Variants in EYA4 observed in about 807,000 individuals in gnomAD.
EYA4 encodes the protein protein phosphatase EYA4.
EYA4 carries 31 observed loss-of-function variants against 87.9 expected under a neutral mutation model. That is an observed-to-expected ratio of 0.35 (90% CI 0.27 to 0.48). The LOEUF (loss-of-function observed/expected upper bound fraction) is 0.48. Among genes scored for constraint, EYA4 ranks in the 20% least tolerant of loss-of-function variants. EYA4 has a pLI of 0.99. For missense variants in EYA4, 678 were observed against 761.4 expected, an observed-to-expected ratio of 0.89 and a Z score of 1.29; for synonymous variants, 263 against 270.6, an observed-to-expected ratio of 0.97 and a Z score of 0.28.
At chr6:133,503,781 T>C (rs954184260) in intron 13 of EYA4, among the ~76,000 whole-genome samples, 8 of 152,200 alleles carry the variant, frequency 5.3e-5, no homozygotes, top group African/African-American at 1.9e-4. Flanking sequence ...TTTTTTAATT[T>C]ACACAACCTT....
At chr6:133,495,331 A>G (rs1797548867) in intron 13 of EYA4, among the ~76,000 whole-genome samples, 1 of 150,334 alleles carries the variant, frequency 6.7e-6, no homozygotes, top group Non-Finnish European at 1.5e-5. Context: ...TACCCACAAA[A>G]ATAAAAAATA....
intron 3 of EYA4, among the ~76,000 whole-genome samples, chr6:133,411,660 A>G (rs1330603858): frequency 6.6e-6 from 1 of 152,166 alleles, no homozygotes; most frequent in Non-Finnish European, 1.5e-5. Context: ...TATCTTATGA[A>G]TATTTCACCA....
At chr6:133,483,159 T>G in intron 13 of EYA4, 44 bp downstream of exon 13, 1 of 1,494,382 alleles carries the variant, frequency 6.7e-7, no homozygotes. Flanking sequence ...TTGTTAAATT[T>G]TTTGTGTTTG....
chr6:133,490,339 G>A (rs980457011), intron 13 of EYA4, among the ~76,000 whole-genome samples: 1 of 151,430 alleles, frequency 6.6e-6, no homozygotes, highest in Non-Finnish European at 1.5e-5. Flanking sequence ...GAATGTAAAT[G>A]GACTAAACTC....
chr6:133,469,038 G>A (rs1795098399), intron 11 of EYA4, among the ~76,000 whole-genome samples: 1 of 151,966 alleles, frequency 6.6e-6, no homozygotes, highest in Non-Finnish European at 1.5e-5. Context: ...TCTTCCTTAT[G>A]ACTGATATTA....
chr6:133,297,419 C>T (rs1779025542), intron 2 of EYA4, among the ~76,000 whole-genome samples: 1 of 152,228 alleles, frequency 6.6e-6, no homozygotes, highest in African/African-American at 2.4e-5. Context: ...TCTTTTCCTC[C>T]TCCCTCTGAG....
At chr6:133,379,010 A>G (rs1785944899) in intron 2 of EYA4, among the ~76,000 whole-genome samples, 1 of 147,854 alleles carries the variant, frequency 6.8e-6, no homozygotes, top group Non-Finnish European at 1.5e-5. Context: ...TTATTGGCCC[A>G]CCCCCTTGTG....
chr6:133,493,971 T>G (rs1240521859), intron 13 of EYA4, among the ~76,000 whole-genome samples: 3 of 152,202 alleles, frequency 2.0e-5, no homozygotes, highest in Admixed American at 2.0e-4. Flanking sequence ...CATACACCGT[T>G]TGTGGGAATG....
At position 133,512,959 on chromosome 6, in the gene EYA4, G is replaced by T; in HGVS notation, c.1422G>T (p.Gly474=). ...GTTTGCCAACAGGTGTAAGAGGAGG[G>T]GTTGACTGGATGAGGAAGTTGGCTT... ...NLCLPTGVRG[G]VDWMRKLAFR... The change falls in exon 16 of 20, where the codon GGG becomes GGT. Residue 474 remains glycine, a synonymous_variant. Transcript: ENST00000355286. 1 of 1,614,056 alleles carries T rather than the reference G, an allele frequency of 6.2e-7. No individual in the cohort carries two copies. Among genetic ancestry groups the T allele is most frequent in the Non-Finnish European group, 8.5e-7 (1 of 1,179,962 alleles).
rs113797878 is a variant in EYA4 at position 133,249,534 on chromosome 6, C to A, written c.-66+7785C>A. ...TCTGCAGGGAAGATAACCCTTCATA[C>A]TGAGAACCTTGCTCAGGTTGCTCTT... On this transcript the variant is annotated intron_variant, in intron 1 of 19. Transcript: ENST00000355286. 9.6e-3 allele frequency among the ~76,000 whole-genome samples: 1,461 copies of A among 152,330 alleles called. 32 individuals are homozygous for A. The highest frequency in any genetic ancestry group is 0.033 in the African/African-American group (1,386 of 41,574).
In EYA4 at chr6:133,440,559, A is replaced by G. The variant is rs139857209; in HGVS notation, c.84-6071A>G. ...AAAAATAATATAACAAAAATATGAC[A>G]GTATGACCAGGTCACTTCTGGTTTT... On this transcript the variant is annotated intron_variant, in intron 3 of 19. Coordinates refer to ENST00000355286, the MANE Select transcript of EYA4 (RefSeq NM_004100.5). Among the ~76,000 whole-genome samples, 382 of 152,356 alleles carry G rather than the reference A, an allele frequency of 2.5e-3. 4 individuals are homozygous for G. Among genetic ancestry groups the G allele is most frequent in the African/African-American group, 9.0e-3 (374 of 41,592 alleles).
At chr6:133,487,601 G>A (rs1796789729) in intron 13 of EYA4, among the ~76,000 whole-genome samples, 1 of 152,188 alleles carries the variant, frequency 6.6e-6, no homozygotes, top group Non-Finnish European at 1.5e-5. Flanking sequence ...CCCTGGTTCT[G>A]AGATAACATT....
intron 1 of EYA4, among the ~76,000 whole-genome samples, chr6:133,242,235 G>A (rs968215644): frequency 3.3e-5 from 5 of 152,212 alleles, no homozygotes; most frequent in African/African-American, 4.8e-5. Context: ...TCCTTCGGAG[G>A]GTCACAGGCG....
In EYA4 at chr6:133,466,812, G is replaced by C. The variant is rs139660902; in HGVS notation, c.805-1754G>C. Reference sequence around the variant, plus strand: ...AGGCTGGAGTTCAGTTAGTGCATGAGGGGGAAGTGGGGAAGCACATTTGCA... The same window carrying C: ...AGGCTGGAGTTCAGTTAGTGCATGACGGGGAAGTGGGGAAGCACATTTGCA... On this transcript the variant is annotated intron_variant, in intron 10 of 19. Coordinates refer to ENST00000355286, the MANE Select transcript of EYA4 (RefSeq NM_004100.5). Among the ~76,000 whole-genome samples the C allele has an allele frequency of 8.7e-3, 1,325 of 152,014 alleles. 25 individuals are homozygous for C. The highest frequency in any genetic ancestry group is 0.031 in the African/African-American group (1,266 of 41,468).
At chr6:133,476,970 TAGTG>T (rs530622049) in intron 11 of EYA4, among the ~76,000 whole-genome samples, 52 of 152,210 alleles carry the variant, frequency 3.4e-4, no homozygotes, top group African/African-American at 1.1e-3. Context: ...GTTCTCGTGA[TAGTG>T]AGTGAGTTCT....
chr6:133,442,744 G>A (rs566997136), intron 3 of EYA4, among the ~76,000 whole-genome samples: 8 of 152,128 alleles, frequency 5.3e-5, no homozygotes, highest in South Asian at 4.2e-4. Flanking sequence ...GCTTGCTACC[G>A]AAATAATTCA....
At chr6:133,352,707 C>G (rs776822791) in intron 2 of EYA4, among the ~76,000 whole-genome samples, 39 of 152,060 alleles carry the variant, frequency 2.6e-4, no homozygotes, top group Non-Finnish European at 3.7e-4. Flanking sequence ...ACATATCCAG[C>G]TGACTTAACT....
intron 2 of EYA4, among the ~76,000 whole-genome samples, chr6:133,330,557 A>C (rs1161296518): frequency 3.5e-5 from 2 of 57,274 alleles, no homozygotes; most frequent in African/African-American, 8.1e-5. Flanking sequence ...ATTTATATAT[A>C]TATATATATA....
chr6:133,529,894 A>G lies in EYA4; in HGVS notation c.*1089A>G, dbSNP rs1800909960. 1 of 985,250 alleles carries G rather than the reference A, an allele frequency of 1.0e-6. No individual in the cohort carries two copies. The highest frequency in any genetic ancestry group is 1.2e-6 in the Non-Finnish European group (1 of 829,846). 61.0% of individuals were successfully genotyped at this position (985,250 alleles called of 1,614,324 possible). ...GAGACTTTTGATATGTGTAAGTTGCATAGAGGAGGATATTATCATGCAAAT... is the reference window on the plus strand; with the variant it reads ...GAGACTTTTGATATGTGTAAGTTGCGTAGAGGAGGATATTATCATGCAAAT... On this transcript the variant is annotated 3_prime_UTR_variant, in exon 20 of 20. Coordinates refer to ENST00000355286, the MANE Select transcript of EYA4 (RefSeq NM_004100.5).
Sources: allele counts gnomAD v4.1 joint callset (sites outside exome capture counted in the v4.1 genomes callset), GRCh38; gene constraint gnomAD v4.1.1; transcripts MANE v1.5; gene names NCBI Gene and HGNC (gene_info 2026-07-23, HGNC 2026-07-21).